FAM135A: variants seen among roughly 807,000 people sequenced by gnomAD.
FAM135A encodes the protein protein FAM135A.
In FAM135A, 79 loss-of-function variants were observed where a neutral mutation model predicts 146.8. That is an observed-to-expected ratio of 0.54 (90% confidence interval 0.45 to 0.65). FAM135A has a LOEUF of 0.65. FAM135A is among the 30% of genes least tolerant of loss of function. The pLI, the probability that FAM135A is intolerant of heterozygous loss-of-function variation, is 0.00. For synonymous variants in FAM135A, 562 were observed against 603.6 expected (o/e 0.93, Z 1.01); for missense variants, 1,623 against 1,758.2 (o/e 0.92, Z 1.38).
chr6:70,491,381 A>G (rs1785945156), intron 11 of FAM135A, among the ~76,000 whole-genome samples: 1 of 151,988 alleles, frequency 6.6e-6, no homozygotes, highest in African/African-American at 2.4e-5. Flanking sequence ...ACACATTTTT[A>G]AAACATCACT....
chr6:70,448,746 A>G (rs370592560), intron 4 of FAM135A, among the ~76,000 whole-genome samples: 1 of 152,248 alleles, frequency 6.6e-6, no homozygotes, highest in Admixed American at 6.5e-5. Context: ...TAGATTAACT[A>G]AAAGTATCCC....
At position 70,536,275 on chromosome 6, in the gene FAM135A, G is replaced by A. The variant is rs9446260; in HGVS notation, c.3981G>A (p.Ser1327=). ...CCTCTTAAAGCTTTATTGGACATTC[G>A]TTGGGCAATTTAATAATTCGTTCAG... The part of the protein sequence containing the change: ...TVSKISFIGH[S]LGNLIIRSVL... The change falls in exon 19 of 22, where the codon TCG becomes TCA. Residue 1327 remains serine (S), a synonymous_variant. Transcript: ENST00000418814. 4.9e-3 allele frequency: 7,821 copies of A among 1,606,160 alleles called. 334 individuals carry two copies. In the African/African-American group the frequency reaches 0.092, roughly 19 times the overall value.
At chr6:70,416,010 T>G (rs140534386) in intron 2 of FAM135A, among the ~76,000 whole-genome samples, 1 of 152,224 alleles carries the variant, frequency 6.6e-6, no homozygotes, top group Non-Finnish European at 1.5e-5. Context: ...AATTGACTGC[T>G]TAAATCCCAA....
At chr6:70,429,694 G>A (rs1174788521) in intron 4 of FAM135A, among the ~76,000 whole-genome samples, 1 of 152,018 alleles carries the variant, frequency 6.6e-6, no homozygotes, top group East Asian at 1.9e-4. Context: ...TCTAAGTAAG[G>A]ATAAAATTTT....
intron 10 of FAM135A, among the ~76,000 whole-genome samples, chr6:70,489,041 A>T (rs1785294059): frequency 6.6e-6 from 1 of 152,206 alleles, no homozygotes; most frequent in Non-Finnish European, 1.5e-5. Flanking sequence ...TATAATGCAA[A>T]CATACCCATT....
intron 21 of FAM135A, 45 bp from the exon 22 acceptor site, chr6:70,559,671 G>T: frequency 6.8e-7 from 1 of 1,459,864 alleles, no homozygotes; most frequent in African/African-American, 1.4e-5. Flanking sequence ...TTTATTTTCA[G>T]TTACTATTGT....
chr6:70,439,186 A>G (rs979669918), intron 4 of FAM135A, among the ~76,000 whole-genome samples: 1 of 152,232 alleles, frequency 6.6e-6, no homozygotes, highest in East Asian at 1.9e-4. Flanking sequence ...TGGAAAAGCT[A>G]TTAAGTTTGT....
intron 4 of FAM135A, among the ~76,000 whole-genome samples, chr6:70,451,072 G>A (rs1007800261): frequency 2.6e-5 from 4 of 151,856 alleles, no homozygotes; most frequent in Non-Finnish European, 5.9e-5. Context: ...AGATTGCTTC[G>A]ACTATTCAGA....
chr6:70,480,787 A>G, intron 8 of FAM135A, 114 bp from the exon 9 acceptor site: 3 of 969,280 alleles, frequency 3.1e-6, no homozygotes, highest in Non-Finnish European at 4.2e-6. Flanking sequence ...TTTTGAACTT[A>G]TAAACTTGCA....
At chr6:70,540,648 T>C (rs1797751665) in intron 20 of FAM135A, among the ~76,000 whole-genome samples, 1 of 152,102 alleles carries the variant, frequency 6.6e-6, no homozygotes, top group Admixed American at 6.6e-5. Flanking sequence ...TTTTCTTAAG[T>C]CTCCCTCCCG....
intron 4 of FAM135A, among the ~76,000 whole-genome samples, chr6:70,441,837 A>G (rs774309193): frequency 5.9e-5 from 9 of 151,904 alleles, no homozygotes; most frequent in Admixed American, 6.6e-5. Flanking sequence ...GGCGCCCACA[A>G]CCACGCCTGG....
Position 70,522,949 on chromosome 6 carries a change from A to G in FAM135A, c.1103+363A>G, listed in dbSNP as rs1013894234. On this transcript the variant is annotated intron_variant, in intron 13 of 21. Coordinates refer to ENST00000418814, the MANE Select transcript of FAM135A (RefSeq NM_001162529.3). Reference sequence around the variant, plus strand: ...ATCCTTTTTTATTACAGATTTTCATATATACTGTCTTCTGTAATTGTAAAT... The same window carrying G: ...ATCCTTTTTTATTACAGATTTTCATGTATACTGTCTTCTGTAATTGTAAAT... 3.9e-5 allele frequency among the ~76,000 whole-genome samples: 6 copies of G among 152,100 alleles called. No homozygotes were observed. In the South Asian group the frequency reaches 1.0e-3, roughly 26 times the overall value.
intron 4 of FAM135A, among the ~76,000 whole-genome samples, chr6:70,433,686 T>G (rs1226850634): frequency 6.6e-6 from 1 of 152,166 alleles, no homozygotes; most frequent in African/African-American, 2.4e-5. Flanking sequence ...TCTCTCATCC[T>G]CTAACAGGCT....
chr6:70,530,345 G>A (rs1231201405), intron 16 of FAM135A, among the ~76,000 whole-genome samples: 5 of 151,964 alleles, frequency 3.3e-5, no homozygotes, highest in Non-Finnish European at 4.4e-5. Flanking sequence ...TATATATTTC[G>A]AGCCTATAGA....
chr6:70,445,977 A>G (rs1775626139), intron 4 of FAM135A, among the ~76,000 whole-genome samples: 1 of 152,246 alleles, frequency 6.6e-6, no homozygotes, highest in South Asian at 2.1e-4. Flanking sequence ...TACAAAGACA[A>G]ACAACACAGA....
intron 20 of FAM135A, among the ~76,000 whole-genome samples, chr6:70,546,583 T>G (rs961320728): frequency 1.3e-5 from 2 of 152,228 alleles, no homozygotes; most frequent in African/African-American, 4.8e-5. Flanking sequence ...TAAAATAATT[T>G]GTGTGTTTTG....
intron 8 of FAM135A, among the ~76,000 whole-genome samples, chr6:70,478,149 T>C (rs1421574664): frequency 6.6e-6 from 1 of 152,172 alleles, no homozygotes; most frequent in African/African-American, 2.4e-5. Flanking sequence ...ACTCAACCTT[T>C]TAAAACTATA....
At chr6:70,543,442 C>T (rs1425446195) in intron 20 of FAM135A, among the ~76,000 whole-genome samples, 1 of 152,170 alleles carries the variant, frequency 6.6e-6, no homozygotes, top group East Asian at 1.9e-4. Flanking sequence ...ATGATTATTA[C>T]ATGTACTGTC....
intron 10 of FAM135A, chr6:70,486,065 C>T (rs866046700): frequency 1.3e-6 from 1 of 772,848 alleles, no homozygotes; most frequent in South Asian, 2.1e-5. Context: ...ACTGCACTAT[C>T]AGATCAACAC....
Sources: gnomAD v4.1 joint callset for allele counts (sites outside exome capture counted in the v4.1 genomes callset) on GRCh38, gnomAD v4.1.1 for gene constraint, MANE v1.5 for transcripts, NCBI Gene and HGNC (gene_info 2026-07-23, HGNC 2026-07-21) for gene names.